Variants in SKAP1 observed in about 807,000 individuals in gnomAD.
SKAP1 encodes src kinase associated phosphoprotein 1, also known as src kinase-associated phosphoprotein 1.
Under a neutral mutation model 58.5 loss-of-function variants are expected in SKAP1, and 44 were observed. The ratio of observed to expected loss-of-function variants is 0.75; its 90% CI spans 0.59 to 0.97. The LOEUF (loss-of-function observed/expected upper bound fraction) is 0.97. SKAP1 is among the 50% of genes least tolerant of loss of function. The pLI, the probability that SKAP1 is intolerant of heterozygous loss-of-function variation, is 0.00. For missense variants in SKAP1, 390 were observed against 435.2 expected, an observed-to-expected ratio of 0.90 and a Z score of 0.92; for synonymous variants, 127 against 149.7, an observed-to-expected ratio of 0.85 and a Z score of 1.11.
chr17:48,257,853 G>A (rs1232103431), intron 4 of SKAP1, among the ~76,000 whole-genome samples: 1 of 152,004 alleles, frequency 6.6e-6, no homozygotes, highest in African/African-American at 2.4e-5. Flanking sequence ...TAGAAGAGAA[G>A]CTGATAGTTG....
At chr17:48,196,367 T>G (rs1027592648) in intron 4 of SKAP1, among the ~76,000 whole-genome samples, 5 of 152,254 alleles carry the variant, frequency 3.3e-5, no homozygotes, top group South Asian at 2.1e-4. Flanking sequence ...ATTTACTTTT[T>G]TATGAGTAAA....
At chr17:48,248,097 A>C (rs1271614982) in intron 4 of SKAP1, among the ~76,000 whole-genome samples, 1 of 152,228 alleles carries the variant, frequency 6.6e-6, no homozygotes, top group East Asian at 1.9e-4. Flanking sequence ...CAAATAGGTC[A>C]TGATAAAAGA....
intron 4 of SKAP1, among the ~76,000 whole-genome samples, chr17:48,257,822 C>T (rs2143913410): frequency 6.6e-6 from 1 of 151,896 alleles, no homozygotes; most frequent in East Asian, 1.9e-4. Flanking sequence ...GTAGTGTATG[C>T]AGCTTCTTCA....
At chr17:48,324,546 C>A (rs993306046) in intron 4 of SKAP1, among the ~76,000 whole-genome samples, 17 of 151,920 alleles carry the variant, frequency 1.1e-4, no homozygotes, top group African/African-American at 2.4e-5. Flanking sequence ...TATGTACTGT[C>A]TTATAACCTA....
At chr17:48,412,609 CT>C (rs2067678890) in intron 1 of SKAP1, among the ~76,000 whole-genome samples, 1 of 152,108 alleles carries the variant, frequency 6.6e-6, no homozygotes, top group Non-Finnish European at 1.5e-5. Flanking sequence ...TACTTTATTC[CT>C]GTAGATGATT....
At chr17:48,195,624 G>C (rs74992250) in intron 4 of SKAP1, among the ~76,000 whole-genome samples, 21,251 of 152,228 alleles carry the variant, frequency 0.14, 2,048 homozygotes, top group Non-Finnish European at 0.2. Context: ...GAAAGGAAGG[G>C]AATGAACACA....
At chr17:48,271,611 C>A (rs991498298) in intron 4 of SKAP1, among the ~76,000 whole-genome samples, 7 of 152,120 alleles carry the variant, frequency 4.6e-5, no homozygotes, top group Non-Finnish European at 1.0e-4. Flanking sequence ...GTCTTCCTGC[C>A]TCAGCCTCCC....
chr17:48,398,296 T>C (rs1045149047), intron 1 of SKAP1, among the ~76,000 whole-genome samples: 2 of 151,948 alleles, frequency 1.3e-5, no homozygotes, highest in African/African-American at 4.8e-5. Context: ...GTGAACTGTG[T>C]ATGTGAGGGA....
At chr17:48,370,585 C>T (rs2067071257) in intron 2 of SKAP1, among the ~76,000 whole-genome samples, 1 of 152,148 alleles carries the variant, frequency 6.6e-6, no homozygotes, top group Admixed American at 6.5e-5. Context: ...GCGTGAGCCA[C>T]CACACCTGGC....
intron 2 of SKAP1, among the ~76,000 whole-genome samples, chr17:48,387,525 G>A (rs1242059009): frequency 1.3e-5 from 2 of 152,174 alleles, no homozygotes; most frequent in African/African-American, 4.8e-5. Flanking sequence ...GATAAGGACA[G>A]AAAAATCAGT....
At chr17:48,403,488 T>C (rs1226045754) in intron 1 of SKAP1, among the ~76,000 whole-genome samples, 3 of 152,082 alleles carry the variant, frequency 2.0e-5, no homozygotes, top group Non-Finnish European at 4.4e-5. Context: ...CCTACACATA[T>C]CCTTTTGAGC....
chr17:48,192,676 G>A (rs902448405), intron 4 of SKAP1, among the ~76,000 whole-genome samples: 2 of 152,136 alleles, frequency 1.3e-5, no homozygotes, highest in Non-Finnish European at 2.9e-5. Flanking sequence ...ATTACCCAGG[G>A]GGGAGGAAGT....
chr17:48,148,629 AG>A (rs1248593494), intron 11 of SKAP1, among the ~76,000 whole-genome samples: 11 of 152,152 alleles, frequency 7.2e-5, no homozygotes. Context: ...TCCCTGAGAG[AG>A]GCGCCTTGAA....
intron 3 of SKAP1, among the ~76,000 whole-genome samples, chr17:48,354,171 C>A (rs1002196266): frequency 1.3e-5 from 2 of 152,116 alleles, no homozygotes; most frequent in African/African-American, 4.8e-5. Context: ...ACCTCCAATA[C>A]CACTAAAGCT....
chr17:48,190,550 G>A (rs185527457), intron 4 of SKAP1, among the ~76,000 whole-genome samples: 4 of 152,184 alleles, frequency 2.6e-5, no homozygotes, highest in Admixed American at 2.0e-4. Flanking sequence ...TCACCTAAGA[G>A]GGAGCAATAA....
intron 4 of SKAP1, among the ~76,000 whole-genome samples, chr17:48,342,435 T>C (rs1553751): frequency 0.25 from 32,363 of 131,766 alleles, 3,547 homozygotes; most frequent in Admixed American, 0.29. Flanking sequence ...CTAGCACTCT[T>C]TGTAGTTTTC....
intron 2 of SKAP1, among the ~76,000 whole-genome samples, chr17:48,392,681 A>G (rs1289172324): frequency 2.0e-5 from 3 of 151,560 alleles, no homozygotes; most frequent in Non-Finnish European, 4.4e-5. Flanking sequence ...ACATGGTAAA[A>G]CCCCATCTCT....
At position 48,430,082 on chromosome 17, in the gene SKAP1, G is replaced by A. The variant is rs887700343; in HGVS notation, c.39C>T (p.Leu13=). The A allele has an allele frequency of 1.6e-6, 2 of 1,266,782 alleles. No individual in the cohort carries two copies. The highest frequency in any genetic ancestry group is 1.0e-6 in the Non-Finnish European group (1 of 998,028). 78.5% of individuals were successfully genotyped at this position (1,266,782 alleles called of 1,614,324 possible). ...AAALPEEIRW[L]LEDAEEFLAE... is the part of the protein sequence containing the mutation. Reference sequence around the variant, plus strand: ...CCTGCGCCAGGGCGTTACCTTCCAGGAGCCAACGGATCTCCTCAGGGAGGG... The same window carrying A: ...CCTGCGCCAGGGCGTTACCTTCCAGAAGCCAACGGATCTCCTCAGGGAGGG... The change falls in exon 1 of 13, where the codon CTC becomes CTT. Residue 13 remains leucine (L), a synonymous_variant. Transcript: ENST00000336915.
intron 10 of SKAP1, among the ~76,000 whole-genome samples, chr17:48,167,447 C>A (rs2064155321): frequency 6.6e-6 from 1 of 152,182 alleles, no homozygotes; most frequent in African/African-American, 2.4e-5. Context: ...AAACAGGCTT[C>A]AAAAGGTAAG....
Sources: allele counts gnomAD v4.1 joint callset (sites outside exome capture counted in the v4.1 genomes callset), GRCh38; gene constraint gnomAD v4.1.1; transcripts MANE v1.5; gene names NCBI Gene and HGNC (gene_info 2026-07-23, HGNC 2026-07-21).